Variants in MATN2 observed in about 807,000 individuals in gnomAD.
MATN2 encodes the protein matrilin-2.
MATN2 carries 69 observed loss-of-function variants against 103.2 expected under a neutral mutation model. That is an observed-to-expected ratio of 0.67 (90% CI 0.55 to 0.82). The LOEUF (loss-of-function observed/expected upper bound fraction) is 0.82. Among genes scored for constraint, MATN2 ranks in the 40% least tolerant of loss-of-function variants. The pLI, the probability that MATN2 is intolerant of heterozygous loss-of-function variation, is 0.00. For synonymous variants in MATN2, 429 were observed against 450.2 expected (o/e 0.95, Z 0.60); for missense variants, 1,023 against 1,211.5 (o/e 0.84, Z 2.31).
At chr8:98,028,664 G>A (rs1813899050) in intron 14 of MATN2, among the ~76,000 whole-genome samples, 1 of 152,008 alleles carries the variant, frequency 6.6e-6, no homozygotes, top group African/African-American at 2.4e-5. Flanking sequence ...TCAGCTCACT[G>A]CAAGCTCCGC....
At chr8:97,887,879 C>A in intron 1 of MATN2, 196 bp from the exon 2 acceptor site, 1 of 494,288 alleles carries the variant, frequency 2.0e-6, no homozygotes, top group South Asian at 2.9e-5. Flanking sequence ...CTATGCATGC[C>A]CTGCTCGGAG....
intron 1 of MATN2, among the ~76,000 whole-genome samples, chr8:97,880,878 C>T (rs1009185965): frequency 2.0e-5 from 3 of 152,090 alleles, no homozygotes; most frequent in East Asian, 1.9e-4. Flanking sequence ...CCACCATGCC[C>T]GGCCTGAAAA....
intron 2 of MATN2, among the ~76,000 whole-genome samples, chr8:97,912,666 G>A (rs1403533250): frequency 6.6e-6 from 1 of 152,160 alleles, no homozygotes; most frequent in Non-Finnish European, 1.5e-5. Flanking sequence ...GGGAGGAGGG[G>A]CAGCTCTGCT....
At position 97,869,084 on chromosome 8, in the gene MATN2, C is replaced by A. The variant is rs995429173; in HGVS notation, c.-230C>A. Reference sequence around the variant, plus strand: ...TGCCCAGCGCCTCCCAGGCAGCCAGCGAGCGAAGGGAGCGCTCTGGGATGG... The same window carrying A: ...TGCCCAGCGCCTCCCAGGCAGCCAGAGAGCGAAGGGAGCGCTCTGGGATGG... On this transcript the variant is annotated 5_prime_UTR_variant, in exon 1 of 19. Coordinates refer to ENST00000254898, the MANE Select transcript of MATN2 (RefSeq NM_002380.5). The A allele has an allele frequency of 6.6e-6, 1 of 152,474 alleles. No homozygotes were observed. Among genetic ancestry groups the A allele is most frequent in the East Asian group, 1.9e-4 (1 of 5,182 alleles). The allele number at this position is 152,474 out of a possible 1,614,324, so 9.4% of individuals were successfully genotyped here. A position where few individuals can be genotyped will look rare whatever the true frequency, so the allele number is the denominator to read the frequency against.
chr8:97,908,208 G>A (rs1179093302), intron 2 of MATN2, among the ~76,000 whole-genome samples: 5 of 152,050 alleles, frequency 3.3e-5, no homozygotes, highest in Admixed American at 2.6e-4. Context: ...AGTGAGCCAA[G>A]ATTGTGCCGT....
chr8:97,880,731 C>A (rs1037072062), intron 1 of MATN2, among the ~76,000 whole-genome samples: 1 of 152,148 alleles, frequency 6.6e-6, no homozygotes, highest in African/African-American at 2.4e-5. Flanking sequence ...CCTCCTCAAC[C>A]CCATTGGTCT....
intron 10 of MATN2, among the ~76,000 whole-genome samples, chr8:98,010,950 G>A (rs1221327258): frequency 1.3e-5 from 2 of 152,164 alleles, no homozygotes; most frequent in African/African-American, 2.4e-5. Flanking sequence ...TAGTCTACTC[G>A]GGCTCCCATC....
intron 5 of MATN2, among the ~76,000 whole-genome samples, chr8:97,975,134 T>TACAGGTGTTTTAAAAC (rs1811792685): frequency 6.6e-6 from 1 of 152,224 alleles, no homozygotes; most frequent in South Asian, 2.1e-4. Context: ...GTGAGGCGTG[T>TACAGGTGTTTTAAAAC]ACAGGTGTTT....
At chr8:97,927,513 T>C (rs1321408121) in intron 2 of MATN2, among the ~76,000 whole-genome samples, 1 of 152,134 alleles carries the variant, frequency 6.6e-6, no homozygotes, top group Non-Finnish European at 1.5e-5. Context: ...ACACTTGAGT[T>C]TGAGAACCAT....
At chr8:98,003,943 T>C in intron 8 of MATN2, 160 bp downstream of exon 8, 1 of 789,922 alleles carries the variant, frequency 1.3e-6, no homozygotes, top group African/African-American at 1.7e-5. Flanking sequence ...CCATAGAATG[T>C]GACTATTAAT....
intron 11 of MATN2, 127 bp from the exon 12 acceptor site, chr8:98,017,867 C>T: frequency 9.9e-7 from 1 of 1,015,076 alleles, no homozygotes; most frequent in Non-Finnish European, 1.5e-6. Context: ...CTTCCTGCCC[C>T]ATGGACCACT....
chr8:97,960,366 C>G (rs1336751676), intron 4 of MATN2, among the ~76,000 whole-genome samples: 1 of 151,808 alleles, frequency 6.6e-6, no homozygotes, highest in Non-Finnish European at 1.5e-5. Context: ...CTAGCTGTTT[C>G]ATGGTATCCA....
intron 2 of MATN2, among the ~76,000 whole-genome samples, chr8:97,900,017 C>T (rs1170663077): frequency 2.0e-5 from 3 of 152,134 alleles, no homozygotes; most frequent in Non-Finnish European, 2.9e-5. Context: ...GCTGTGCAGC[C>T]GGAATCCCAG....
In MATN2 at chr8:98,018,047, A is replaced by G. The variant is rs1421531441; in HGVS notation, c.1750A>G (p.Ser584Gly). The change falls in exon 12 of 19, where the codon AGT becomes GGT. Residue 584 changes from serine to glycine, a missense_variant. Coordinates refer to ENST00000254898, the MANE Select transcript of MATN2 (RefSeq NM_002380.5). Reference protein sequence around the residue: ...DHGCEHICVNSDDSYTCECLE... With the variant: ...DHGCEHICVNGDDSYTCECLE... The stretch of plus-strand genomic sequence containing the variant: ...TGGCTGTGAACACATTTGTGTGAAC[A>G]GTGATGACTCATACACGTGCGAGTG... 1 of 1,613,940 alleles carries G rather than the reference A, an allele frequency of 6.2e-7. No individual in the cohort carries two copies. Among genetic ancestry groups the G allele is most frequent in the Admixed American group, 1.7e-5 (1 of 60,030 alleles).
intron 4 of MATN2, among the ~76,000 whole-genome samples, chr8:97,960,040 C>T (rs1197927962): frequency 6.6e-6 from 1 of 150,738 alleles, no homozygotes; most frequent in Non-Finnish European, 1.5e-5. Flanking sequence ...ACCTCCACCT[C>T]CCGGGTTCAA....
chr8:98,008,751 AGAT>A (rs1813060818), intron 10 of MATN2, among the ~76,000 whole-genome samples: 4 of 152,344 alleles, frequency 2.6e-5, no homozygotes, highest in South Asian at 4.1e-4. Flanking sequence ...TGCCAAAGCC[AGAT>A]GTAAGGGGTT....
rs756711196 is a variant in MATN2 at position 97,930,975 on chromosome 8, G to A, written c.165G>A (p.Arg55=). The change falls in exon 3 of 19, where the codon CGG becomes CGA. Residue 55 remains arginine (R), a synonymous_variant. Coordinates refer to ENST00000254898, the MANE Select transcript of MATN2 (RefSeq NM_002380.5). The stretch of plus-strand genomic sequence containing the variant: ...CAGAGAGTTCCTGTGAGAACAAGCG[G>A]GCAGACCTGGTTTTCATCATTGACA... ...ALLESSCENK[R]ADLVFIIDSS... 6.3e-5 allele frequency: 101 copies of A among 1,611,286 alleles called. No homozygotes were observed. In the Admixed American group the frequency reaches 1.6e-3, roughly 25 times the overall value.
At chr8:97,963,583 T>C (rs1188471912) in intron 5 of MATN2, among the ~76,000 whole-genome samples, 1 of 152,094 alleles carries the variant, frequency 6.6e-6, no homozygotes, top group Non-Finnish European at 1.5e-5. Flanking sequence ...CGTGGGAGGG[T>C]AGATGCTGTC....
chr8:97,910,509 A>T (rs749722759), intron 2 of MATN2, among the ~76,000 whole-genome samples: 2 of 152,178 alleles, frequency 1.3e-5, no homozygotes, highest in Non-Finnish European at 2.9e-5. Flanking sequence ...AACACTAAGG[A>T]TTATTTTATT....
Sources: allele counts gnomAD v4.1 joint callset (sites outside exome capture counted in the v4.1 genomes callset), GRCh38; gene constraint gnomAD v4.1.1; transcripts MANE v1.5; gene names NCBI Gene and HGNC (gene_info 2026-07-23, HGNC 2026-07-21).